SEC61A2: variants seen among roughly 807,000 people sequenced by gnomAD.
SEC61A2 encodes the protein SEC61 translocon subunit alpha 2, also known as protein transport protein Sec61 subunit alpha isoform 2.
SEC61A2 carries 28 observed loss-of-function variants against 59.9 expected under a neutral mutation model. That is an observed-to-expected ratio of 0.47 (90% CI 0.35 to 0.64). The LOEUF is 0.64. Among genes scored for constraint, SEC61A2 ranks in the 30% least tolerant of loss-of-function variants. The probability of loss-of-function intolerance (pLI) is 0.01; values close to 1 mark genes in which losing one functional copy is unlikely to be tolerated. For missense variants in SEC61A2, 340 were observed against 585.9 expected, an observed-to-expected ratio of 0.58 and a Z score of 4.33; for synonymous variants, 202 against 214.4, an observed-to-expected ratio of 0.94 and a Z score of 0.50.
chr10:12,132,176 C>G (rs1300620399), intron 1 of SEC61A2, among the ~76,000 whole-genome samples: 2 of 151,542 alleles, frequency 1.3e-5, no homozygotes, highest in African/African-American at 4.9e-5. Flanking sequence ...TACCGTGCGC[C>G]TGTAATCCCA....
intron 8 of SEC61A2, 42 bp from the exon 9 acceptor site, chr10:12,157,866 A>C: frequency 6.4e-7 from 1 of 1,564,174 alleles, no homozygotes; most frequent in Non-Finnish European, 8.8e-7. Context: ...TCTTTTCTTA[A>C]TGTGTCTGGC....
rs751407968 is a variant in SEC61A2 at position 12,156,903 on chromosome 10, A to G, written c.617-4A>G. 6 of 1,613,234 alleles carry G rather than the reference A, an allele frequency of 3.7e-6. No homozygotes were observed. The South Asian group carries it at 6.6e-5, about 18-fold the overall frequency. ...CACAGGTCGTGTCTGTCTTGATTTT[A>G]CAGGTACTGAGTTTGAGGGTGCAGT... On this transcript the variant is annotated splice_region_variant and splice_polypyrimidine_tract_variant and intron_variant, in intron 7 of 11. Coordinates refer to ENST00000298428, the MANE Select transcript of SEC61A2 (RefSeq NM_018144.4). This position sits in a 1 kb window ranked among gnomAD's most constrained non-coding sequence, Gnocchi z 5.2.
chr10:12,168,515 T>C (rs575799827), downstream of SEC61A2, among the ~76,000 whole-genome samples: 7 of 152,172 alleles, frequency 4.6e-5, no homozygotes, highest in South Asian at 1.5e-3. The surrounding 1 kb of genome is among the most constrained non-coding windows in gnomAD (Gnocchi z 4.8). Flanking sequence ...ACTGTGTGCA[T>C]GTTAGGACTG....
At chr10:12,134,257 T>C (rs1833832232) in intron 2 of SEC61A2, among the ~76,000 whole-genome samples, 1 of 152,244 alleles carries the variant, frequency 6.6e-6, no homozygotes, top group African/African-American at 2.4e-5. Context: ...TCTGCCCGCC[T>C]CAGCCTCCCA....
intron 3 of SEC61A2, among the ~76,000 whole-genome samples, chr10:12,139,960 C>G (rs1371243951): frequency 6.9e-6 from 1 of 145,736 alleles, no homozygotes; most frequent in Admixed American, 6.9e-5. Flanking sequence ...CAGAGCGAGA[C>G]TCCATCTCAA....
intron 3 of SEC61A2, among the ~76,000 whole-genome samples, chr10:12,141,595 A>G (rs1021932632): frequency 2.6e-5 from 4 of 152,256 alleles, no homozygotes; most frequent in Non-Finnish European, 5.9e-5. Flanking sequence ...AAAGTCAACC[A>G]TAATCCCACC....
intron 4 of SEC61A2, among the ~76,000 whole-genome samples, chr10:12,146,427 T>G (rs1412309102): frequency 1.3e-5 from 2 of 152,320 alleles, no homozygotes; most frequent in South Asian, 2.1e-4. Context: ...GGGGGCCTAC[T>G]CCTGTGCTGC....
At chr10:12,130,514 C>T (rs1833708757) in intron 1 of SEC61A2, among the ~76,000 whole-genome samples, 1 of 152,002 alleles carries the variant, frequency 6.6e-6, no homozygotes, top group South Asian at 2.1e-4. Flanking sequence ...AGGAGAGACC[C>T]GTGGTAAAAT....
Position 12,132,169 on chromosome 10 carries a change from C to T in SEC61A2, c.8-1072C>T, listed in dbSNP as rs996325710. On this transcript the variant is annotated intron_variant, in intron 1 of 11. Coordinates refer to ENST00000298428, the MANE Select transcript of SEC61A2 (RefSeq NM_018144.4). ...TATAAAAATTAGCCAGGCATGGTAC[C>T]GTGCGCCTGTAATCCCAGCTATATA... Among the ~76,000 whole-genome samples, 8 of 151,344 alleles carry T rather than the reference C, an allele frequency of 5.3e-5. No individual in the cohort carries two copies. In the East Asian group the frequency reaches 9.8e-4, roughly 19 times the overall value.
Position 12,153,592 on chromosome 10 carries a change from A to T in SEC61A2, c.463-2186A>T. ...AATACTTACAGTCCAAGAATGAAACAAGTGAAGTGGATGTACACTGATTCA... is the reference window on the plus strand; with the variant it reads ...AATACTTACAGTCCAAGAATGAAACTAGTGAAGTGGATGTACACTGATTCA... On this transcript the variant is annotated intron_variant, in intron 6 of 11. Coordinates refer to ENST00000298428, the MANE Select transcript of SEC61A2 (RefSeq NM_018144.4). The surrounding 1 kb of genome is among the most constrained non-coding windows in gnomAD (Gnocchi z 5.2). 1.3e-6 allele frequency: 1 copy of T among 781,758 alleles called. No homozygotes were observed. Among genetic ancestry groups the T allele is most frequent in the Non-Finnish European group, 1.9e-6 (1 of 532,178 alleles). The allele number at this position is 781,758 out of a possible 1,614,324, so 48.4% of individuals were successfully genotyped here.
intron 9 of SEC61A2, among the ~76,000 whole-genome samples, chr10:12,159,898 T>TA (rs547629727): frequency 3.3e-5 from 5 of 152,072 alleles, no homozygotes; most frequent in African/African-American, 9.6e-5. Context: ...GAATGTCATT[T>TA]AAAAAAAAGG....
intron 3 of SEC61A2, among the ~76,000 whole-genome samples, chr10:12,141,782 G>A (rs1834026117): frequency 6.6e-6 from 1 of 152,114 alleles, no homozygotes; most frequent in Non-Finnish European, 1.5e-5. Context: ...TGCCCCAGGG[G>A]TCTGTCCTGT....
At chr10:12,140,027 C>T (rs1354748598) in intron 3 of SEC61A2, among the ~76,000 whole-genome samples, 1 of 151,116 alleles carries the variant, frequency 6.6e-6, no homozygotes, top group East Asian at 1.9e-4. Context: ...GGTAGAGGGG[C>T]CGAGAGCTGC....
chr10:12,165,088 C>G lies in SEC61A2; in HGVS notation c.*634C>G. ...CCTCTTCCTCCTTTTCCTTCTCCTC[C>G]TCCTCTCTTCCCAGTGACAGCATCA... On this transcript the variant is annotated 3_prime_UTR_variant, in exon 12 of 12. Transcript: ENST00000298428. 1.0e-6 allele frequency: 1 copy of G among 986,964 alleles called. No homozygotes were observed. The highest frequency in any genetic ancestry group is 1.2e-6 in the Non-Finnish European group (1 of 830,478). 61.1% of individuals were successfully genotyped at this position (986,964 alleles called of 1,614,324 possible). A position where few individuals can be genotyped will look rare whatever the true frequency, so the allele number is the denominator to read the frequency against.
chr10:12,146,501 TG>T (rs1834140171), intron 4 of SEC61A2, among the ~76,000 whole-genome samples: 1 of 151,946 alleles, frequency 6.6e-6, no homozygotes, highest in Non-Finnish European at 1.5e-5. Context: ...CTTTTTAAAT[TG>T]TTTTTTTCCT....
Position 12,155,183 on chromosome 10 carries a change from G to T in SEC61A2, c.463-595G>T. ...TTACATTCAATCTTTGTCACTATGTGTATAGAATGCATTTTTACATTGCTG... is the reference window on the plus strand; with the variant it reads ...TTACATTCAATCTTTGTCACTATGTTTATAGAATGCATTTTTACATTGCTG... On this transcript the variant is annotated intron_variant, in intron 6 of 11. Transcript: ENST00000298428. The surrounding 1 kb of genome is among the most constrained non-coding windows in gnomAD (Gnocchi z 4.3). 1 of 495,966 alleles carries T rather than the reference G, an allele frequency of 2.0e-6. No individual in the cohort carries two copies. Among genetic ancestry groups the T allele is most frequent in the African/African-American group, 2.0e-5 (1 of 50,374 alleles). The allele number at this position is 495,966 out of a possible 1,614,324, so 30.7% of individuals were successfully genotyped here.
intron 3 of SEC61A2, among the ~76,000 whole-genome samples, chr10:12,136,664 T>C (rs986622988): frequency 6.6e-6 from 1 of 152,060 alleles, no homozygotes; most frequent in Non-Finnish European, 1.5e-5. Flanking sequence ...GAGTTTCACA[T>C]TGTTGCCCAG....
intron 3 of SEC61A2, among the ~76,000 whole-genome samples, chr10:12,141,105 G>A (rs556218360): frequency 3.3e-5 from 5 of 152,168 alleles, no homozygotes; most frequent in South Asian, 2.1e-4. Context: ...TCACCATGTC[G>A]GCCAGGCTGG....
chr10:12,157,743 T>C (rs4750174), intron 8 of SEC61A2, among the ~76,000 whole-genome samples, 165 bp from the exon 9 acceptor site: 67,599 of 151,780 alleles, frequency 0.45, 15,115 homozygotes, highest in East Asian at 0.53. Flanking sequence ...CCTCGTGATC[T>C]GCCCGCCTCG....
Sources: gnomAD v4.1 joint callset for allele counts (sites outside exome capture counted in the v4.1 genomes callset) on GRCh38, gnomAD v4.1.1 for gene constraint, Gnocchi (gnomAD v3.1) non-coding constraint, MANE v1.5 for transcripts, NCBI Gene and HGNC (gene_info 2026-07-23, HGNC 2026-07-21) for gene names.